MYLIP: variants seen among roughly 807,000 people sequenced by gnomAD.
MYLIP encodes the protein myosin regulatory light chain interacting protein.
MYLIP carries 26 observed loss-of-function variants against 45.8 expected under a neutral mutation model. The observed-to-expected ratio is 0.57, with a 90% confidence interval of 0.42 to 0.79. The LOEUF is 0.79. Ranked by LOEUF, MYLIP falls within the 30% of genes least tolerant of loss-of-function variation. MYLIP has a pLI of 0.00. For missense variants in MYLIP, 494 were observed against 555.6 expected (o/e 0.89, Z 1.11); for synonymous variants, 213 against 218.1 (o/e 0.98, Z 0.21).
At chr6:16,162,341 T>C in the MYLIP span, among the ~76,000 whole-genome samples, 473 of 152,294 alleles carry the variant, frequency 3.1e-3, 1 homozygote, top group Middle Eastern at 0.017. Flanking sequence ...TTTGATTAGA[T>C]TGTGTAGTGA....
chr6:16,143,074 C>T lies in MYLIP; in HGVS notation c.519C>T (p.Tyr173=). 1 of 1,614,166 alleles carries T rather than the reference C, an allele frequency of 6.2e-7. No individual in the cohort carries two copies. Among genetic ancestry groups the T allele is most frequent in the Non-Finnish European group, 8.5e-7 (1 of 1,180,032 alleles). The part of the protein sequence containing the change: ...LEGTSQASAE[Y]QVLQIVSAME... Reference sequence around the variant, plus strand: ...GGACCAGCCAGGCTTCAGCTGAATACCAAGTTTTGCAGATTGTGTCGGCAA... The same window carrying T: ...GGACCAGCCAGGCTTCAGCTGAATATCAAGTTTTGCAGATTGTGTCGGCAA... Residue 173 remains tyrosine (Y), a synonymous_variant, in exon 4 of 7, where the codon TAC becomes TAT. Transcript: ENST00000356840.
At chr6:16,154,871 C>T in the MYLIP span, among the ~76,000 whole-genome samples, 17 of 152,192 alleles carry the variant, frequency 1.1e-4, no homozygotes, top group South Asian at 2.5e-3. Context: ...TTAATTACCA[C>T]GCATTTTTAT....
intron 3 of MYLIP, 36 bp from the exon 4 acceptor site, chr6:16,142,984 G>T: frequency 6.3e-7 from 1 of 1,584,032 alleles, no homozygotes; most frequent in Non-Finnish European, 8.6e-7. Context: ...GCTAATATCT[G>T]TATACTTAAT....
the MYLIP span, chr6:16,163,727 C>A: frequency 6.6e-6 from 1 of 152,154 alleles, no homozygotes; most frequent in East Asian, 1.9e-4. Context: ...TCTTCCTTTT[C>A]CTCTTGTCTT....
chr6:16,144,623 TTCAC>T (rs1159645944), intron 5 of MYLIP, among the ~76,000 whole-genome samples: 2 of 152,216 alleles, frequency 1.3e-5, no homozygotes, highest in Non-Finnish European at 1.5e-5. Context: ...CATAAGCAAC[TTCAC>T]TCAGTAGCGT....
At chr6:16,153,177 C>T (rs1414621471), downstream of MYLIP, among the ~76,000 whole-genome samples, 1 of 152,178 alleles carries the variant, frequency 6.6e-6, no homozygotes, top group Non-Finnish European at 1.5e-5. Flanking sequence ...AAGGTAATAG[C>T]AAAATAAAAC....
intron 3 of MYLIP, among the ~76,000 whole-genome samples, chr6:16,142,673 C>G (rs977064197): frequency 1.0e-3 from 155 of 152,220 alleles, no homozygotes; most frequent in African/African-American, 3.4e-3. Flanking sequence ...ACAGGGGCCT[C>G]AGGGGTCAAC....
At position 16,131,045 on chromosome 6, in the gene MYLIP, A is replaced by G. The variant is rs903568366; in HGVS notation, c.278+298A>G. Among the ~76,000 whole-genome samples, 10 of 151,744 alleles carry G rather than the reference A, an allele frequency of 6.6e-5. No individual in the cohort carries two copies. In the South Asian group the frequency reaches 1.7e-3, roughly 25 times the overall value. On this transcript the variant is annotated intron_variant, in intron 2 of 6. Coordinates refer to ENST00000356840, the MANE Select transcript of MYLIP (RefSeq NM_013262.4). ...CTACCCCAGGAAAAAAAAAAAAAAA[A>G]AAAGAAACCACCCTACCCGAGTGAC... is the stretch of plus-strand genomic sequence containing the variant.
Position 16,143,831 on chromosome 6 carries a change from C to T in MYLIP, c.795C>T (p.Tyr265=). The T allele has an allele frequency of 6.2e-7, 1 of 1,613,218 alleles. No homozygotes were observed. Among genetic ancestry groups the T allele is most frequent in the Non-Finnish European group, 8.5e-7 (1 of 1,179,822 alleles). ...GCACCAGGGCGGCCAGCGGGCTCTA[C>T]CGAGCGATAACAGAGACGCACGCAT... is the stretch of plus-strand genomic sequence containing the variant. ...MISTRAASGL[Y]RAITETHAFY... is the part of the protein sequence containing the mutation. The change falls in exon 5 of 7, where the codon TAC becomes TAT. Residue 265 remains tyrosine (Y), a synonymous_variant. Coordinates refer to ENST00000356840, the MANE Select transcript of MYLIP (RefSeq NM_013262.4).
chr6:16,136,013 G>T (rs1289685159), intron 2 of MYLIP, among the ~76,000 whole-genome samples: 1 of 151,676 alleles, frequency 6.6e-6, no homozygotes, highest in African/African-American at 2.4e-5. Context: ...TTGTATATAA[G>T]TATGTTTCCC....
chr6:16,139,348 A>G (rs1759617213), intron 2 of MYLIP, among the ~76,000 whole-genome samples: 2 of 151,890 alleles, frequency 1.3e-5, no homozygotes, highest in African/African-American at 2.4e-5. Flanking sequence ...AGATCGTGCC[A>G]TAGCACTCCA....
chr6:16,146,718 G>A lies in MYLIP; in HGVS notation c.1305G>A (p.Thr435=), dbSNP rs138820906. ...ATGTCCAGCACGTCTATCTGCCAAC[G>A]CACACCAGTCTTCTCAATCTGACTG... is the stretch of plus-strand genomic sequence containing the variant. The part of the protein sequence containing the change: ...VEHVQHVYLP[T]HTSLLNLTVI Residue 435 remains threonine (T), a synonymous_variant, in exon 7 of 7, where the codon ACG becomes ACA. Transcript: ENST00000356840. The A allele has an allele frequency of 4.7e-5, 75 of 1,611,478 alleles. No homozygotes were observed. The highest frequency in any genetic ancestry group is 2.5e-4 in the African/African-American group (19 of 75,002).
chr6:16,152,077 T>C (rs1759885906), downstream of MYLIP, among the ~76,000 whole-genome samples: 1 of 152,090 alleles, frequency 6.6e-6, no homozygotes, highest in South Asian at 2.1e-4. Flanking sequence ...TTGAAGTAAG[T>C]ACAGGATTTG....
At chr6:16,137,300 G>A (rs1416048286) in intron 2 of MYLIP, among the ~76,000 whole-genome samples, 1 of 152,142 alleles carries the variant, frequency 6.6e-6, no homozygotes, top group Non-Finnish European at 1.5e-5. Flanking sequence ...ATAAACTGTG[G>A]TTAAGTGACT....
chr6:16,133,735 C>A (rs1333619925), intron 2 of MYLIP, among the ~76,000 whole-genome samples: 1 of 152,158 alleles, frequency 6.6e-6, no homozygotes, highest in Non-Finnish European at 1.5e-5. Context: ...CCATCCACTG[C>A]CAATAAAATC....
At chr6:16,137,128 T>G (rs1372372351) in intron 2 of MYLIP, among the ~76,000 whole-genome samples, 1 of 152,238 alleles carries the variant, frequency 6.6e-6, no homozygotes, top group African/African-American at 2.4e-5. Flanking sequence ...GTTTTGTTTC[T>G]AAAGCGTTAC....
intron 2 of MYLIP, among the ~76,000 whole-genome samples, chr6:16,135,861 G>T (rs1759546470): frequency 6.9e-6 from 1 of 144,564 alleles, no homozygotes; most frequent in Non-Finnish European, 1.5e-5. Context: ...CTACTCTATA[G>T]TATGTATACT....
At chr6:16,159,907 C>T in the MYLIP span, among the ~76,000 whole-genome samples, 145 of 152,256 alleles carry the variant, frequency 9.5e-4, 1 homozygote, top group African/African-American at 3.2e-3. Context: ...CAAGGGGCCC[C>T]GGGAGATACA....
At chr6:16,158,467 T>C in the MYLIP span, among the ~76,000 whole-genome samples, 2 of 152,212 alleles carry the variant, frequency 1.3e-5, no homozygotes, top group African/African-American at 4.8e-5. Context: ...CCCTAAGAAT[T>C]ACCATCGATA....
Sources: allele counts gnomAD v4.1 joint callset (sites outside exome capture counted in the v4.1 genomes callset), GRCh38; gene constraint gnomAD v4.1.1; transcripts MANE v1.5; gene names NCBI Gene and HGNC (gene_info 2026-07-23, HGNC 2026-07-21).